CASK: variants seen among roughly 807,000 people sequenced by gnomAD.
The protein encoded by CASK is calcium/calmodulin dependent serine protein kinase.
Under a neutral mutation model 82.9 loss-of-function variants are expected in CASK, and 4 were observed. That is an observed-to-expected ratio of 0.05 (90% CI 0.02 to 0.11). CASK has a LOEUF of 0.11. CASK is among the 10% of genes least tolerant of loss of function. The probability of loss-of-function intolerance (pLI) is 1.00; values close to 1 mark genes in which losing one functional copy is unlikely to be tolerated. For synonymous variants in CASK, 259 were observed against 253.5 expected (o/e 1.02, Z -0.20); for missense variants, 358 against 720.9 (o/e 0.50, Z 5.76).
At chrX:41,654,107 C>T (rs1362140121) in intron 8 of CASK, among the ~76,000 whole-genome samples, 1 of 111,995 alleles carries the variant, frequency 8.9e-6, no homozygotes, top group East Asian at 2.8e-4. Flanking sequence ...CTGAATACAT[C>T]CATTACTCTG....
chrX:41,643,920 T>C (rs1419231771), intron 8 of CASK, among the ~76,000 whole-genome samples: 4 of 111,163 alleles, frequency 3.6e-5, no homozygotes, highest in Admixed American at 9.6e-5. Context: ...TTGTCATAAA[T>C]AGCTCTTACT....
At chrX:41,811,152 T>C (rs1460993353) in intron 2 of CASK, among the ~76,000 whole-genome samples, 1 of 111,488 alleles carries the variant, frequency 9.0e-6, no homozygotes, top group Non-Finnish European at 1.9e-5. Flanking sequence ...AACACCCCAC[T>C]GTCAACATTA....
chrX:41,661,934 G>A (rs888379739), intron 7 of CASK, among the ~76,000 whole-genome samples: 8 of 110,530 alleles, frequency 7.2e-5, no homozygotes, highest in Admixed American at 4.8e-4. Flanking sequence ...ATCCTGGAGC[G>A]AATGTGCTCT....
rs527996491 is a variant in CASK, at chrX:41,648,092, G to A, written c.832-11431C>T. Among the ~76,000 whole-genome samples, 198 of 111,824 alleles carry A rather than the reference G, an allele frequency of 1.8e-3. No individual in the cohort carries two copies. The Middle Eastern group carries it at 0.028, about 16-fold the overall frequency. On this transcript the variant is annotated intron_variant, in intron 8 of 26. Coordinates refer to ENST00000378163, the MANE Select transcript of CASK (RefSeq NM_001367721.1). The stretch of plus-strand genomic sequence containing the variant: ...TTCAAAAGCAAATGGGAGAAATATC[G>A]CTGAATTCTTTTTCTCAGCATGGAA...
intron 1 of CASK, among the ~76,000 whole-genome samples, chrX:41,892,518 A>G (rs1270760255): frequency 9.1e-6 from 1 of 110,323 alleles, no homozygotes; most frequent in Non-Finnish European, 1.9e-5. Context: ...TATTTTTAGT[A>G]GAGACAGGGT....
rs1032049336 is a variant in CASK at position 41,830,569 on chromosome X, C to T, written c.172+22546G>A. Among the ~76,000 whole-genome samples, 3 of 110,414 alleles carry T rather than the reference C, an allele frequency of 2.7e-5. No individual in the cohort carries two copies. In the Admixed American group the frequency reaches 2.9e-4, roughly 11 times the overall value. ...GGTGCGGTGGCTCACGCCTGTAATC[C>T]CAGCACTTTGGGAGGCCAAGGTGGG... On this transcript the variant is annotated intron_variant, in intron 2 of 26. Transcript: ENST00000378163.
intron 2 of CASK, among the ~76,000 whole-genome samples, chrX:41,830,814 T>C (rs1476365589): frequency 5.7e-5 from 4 of 69,942 alleles, no homozygotes; most frequent in East Asian, 3.8e-4. Flanking sequence ...AGCGAGACTC[T>C]GCCAAAAAAA....
At chrX:41,826,686 G>A (rs951451018) in intron 2 of CASK, among the ~76,000 whole-genome samples, 8 of 111,253 alleles carry the variant, frequency 7.2e-5, no homozygotes, top group African/African-American at 9.8e-5. Context: ...TTGGTTGGCC[G>A]GGCTGGTCTC....
chrX:41,840,940 C>G (rs141774159), intron 2 of CASK, among the ~76,000 whole-genome samples: 55 of 112,198 alleles, frequency 4.9e-4, no homozygotes, highest in African/African-American at 1.7e-3. Flanking sequence ...TTTACCCATT[C>G]ATCAGTTGAT....
At chrX:41,818,145 C>CTGTGTGTGTGTG (rs59931187) in intron 2 of CASK, among the ~76,000 whole-genome samples, 216 of 85,419 alleles carry the variant, frequency 2.5e-3, no homozygotes, top group Non-Finnish European at 3.1e-3. Context: ...AGGAGGCCTT[C>CTGTGTGTGTGTG]TGTGTGTGTG....
At chrX:41,814,487 G>GC (rs1340910631) in intron 2 of CASK, among the ~76,000 whole-genome samples, 3 of 108,358 alleles carry the variant, frequency 2.8e-5, no homozygotes, top group Non-Finnish European at 5.7e-5. Context: ...GCAAACTATC[G>GC]CAAGGACAAA....
intron 11 of CASK, among the ~76,000 whole-genome samples, chrX:41,610,492 G>C (rs1263512086): frequency 1.8e-5 from 2 of 111,714 alleles, no homozygotes; most frequent in African/African-American, 6.5e-5. Context: ...AACTCCTGCT[G>C]CTTAAAATAG....
At chrX:41,827,189 C>T (rs1420680935) in intron 2 of CASK, among the ~76,000 whole-genome samples, 1 of 111,616 alleles carries the variant, frequency 9.0e-6, no homozygotes, top group Non-Finnish European at 1.9e-5. Flanking sequence ...ATCTAAGTCA[C>T]AGAAACATAC....
chrX:41,716,576 T>C (rs2068065572), intron 5 of CASK, among the ~76,000 whole-genome samples: 1 of 112,448 alleles, frequency 8.9e-6, no homozygotes, highest in African/African-American at 3.2e-5. Context: ...ACTTTTTTTT[T>C]ACATTTCCCC....
chrX:41,764,087 C>T (rs757819895), intron 3 of CASK, among the ~76,000 whole-genome samples: 15 of 111,453 alleles, frequency 1.3e-4, no homozygotes, highest in Admixed American at 1.1e-3. Flanking sequence ...GAAATGAGGC[C>T]GAATGGGAGC....
chrX:41,738,366 ATGAG>A (rs2068536325), intron 5 of CASK, among the ~76,000 whole-genome samples: 2 of 112,689 alleles, frequency 1.8e-5, no homozygotes, highest in Admixed American at 1.9e-4. Flanking sequence ...TCTGAAAAGG[ATGAG>A]TGAGATATTT....
chrX:41,714,313 T>C (rs6609159), intron 5 of CASK, among the ~76,000 whole-genome samples: 53,704 of 110,170 alleles, frequency 0.49, 9,630 homozygotes, highest in East Asian at 0.86. Context: ...TCAAAACCTG[T>C]TGGTAAAGTC....
At chrX:41,782,030 C>G (rs1476418929) in intron 3 of CASK, among the ~76,000 whole-genome samples, 2 of 111,267 alleles carry the variant, frequency 1.8e-5, no homozygotes, top group Non-Finnish European at 3.8e-5. Context: ...ATCAACTGAT[C>G]ATGACATGAT....
At chrX:41,809,025 G>A (rs758236964) in intron 2 of CASK, among the ~76,000 whole-genome samples, 113 of 112,281 alleles carry the variant, frequency 1.0e-3, no homozygotes, top group Admixed American at 1.6e-3. Flanking sequence ...ACTGCAAGGC[G>A]GCAGCAAGGC....
Sources: allele counts gnomAD v4.1 joint callset (sites outside exome capture counted in the v4.1 genomes callset), GRCh38; gene constraint gnomAD v4.1.1; transcripts MANE v1.5; gene names NCBI Gene and HGNC (gene_info 2026-07-23, HGNC 2026-07-21).